The following ATP2B1 variants were observed in gnomAD, a reference collection of about 807,000 sequenced individuals.
The protein encoded by ATP2B1 is ATPase plasma membrane Ca2+ transporting 1, also known as plasma membrane calcium-transporting ATPase 1.
In ATP2B1, 14 loss-of-function variants were observed where a neutral mutation model predicts 124.2. The ratio of observed to expected loss-of-function variants is 0.11; its 90% CI spans 0.07 to 0.18. The LOEUF is 0.18. ATP2B1 is among the 10% of genes least tolerant of loss of function. ATP2B1 has a pLI of 1.00. For missense variants in ATP2B1, 763 were observed against 1,466.1 expected (o/e 0.52, Z 7.83); for synonymous variants, 449 against 492.4 (o/e 0.91, Z 1.17).
In ATP2B1 at chr12:89,626,593, G is replaced by A; in HGVS notation, c.990C>T (p.Ala330=). 1 of 1,609,022 alleles carries A rather than the reference G, an allele frequency of 6.2e-7. No homozygotes were observed. The highest frequency in any genetic ancestry group is 8.5e-7 in the Non-Finnish European group (1 of 1,178,502). Residue 330 remains alanine (A), a synonymous_variant, in exon 8 of 21, where the codon GCC becomes GCT. Coordinates refer to ENST00000428670, the MANE Select transcript of ATP2B1 (RefSeq NM_001366521.1). ...RNKAKAQDGA[A]MEMQPLKSEE... is the part of the protein sequence containing the mutation. ...CACTCTTCAATGGCTGCATTTCCATGGCTGCACCATCCTGGGCTTTTGCTA... is the reference window on the plus strand; with the variant it reads ...CACTCTTCAATGGCTGCATTTCCATAGCTGCACCATCCTGGGCTTTTGCTA...
chr12:89,708,935 G>A (rs545421484), upstream of ATP2B1: 25 of 151,808 alleles, frequency 1.6e-4, no homozygotes, highest in African/African-American at 6.0e-4. Flanking sequence ...CGTCCCCGCA[G>A]GACCCGCCTC....
At chr12:89,683,608 G>A (rs1889620284) in intron 1 of ATP2B1, among the ~76,000 whole-genome samples, 2 of 152,090 alleles carry the variant, frequency 1.3e-5, no homozygotes, top group Non-Finnish European at 2.9e-5. Context: ...TCCAGCCCCC[G>A]GTCATTTGAG....
chr12:89,608,476 T>C (rs924765120), intron 15 of ATP2B1, among the ~76,000 whole-genome samples: 1 of 151,770 alleles, frequency 6.6e-6, no homozygotes, highest in Non-Finnish European at 1.5e-5. Flanking sequence ...ATGGCCAGCC[T>C]GTTTTTGAAC....
At chr12:89,627,216 C>T (rs565343813) in intron 7 of ATP2B1, among the ~76,000 whole-genome samples, 1 of 152,020 alleles carries the variant, frequency 6.6e-6, no homozygotes, top group Non-Finnish European at 1.5e-5. Context: ...CACACCTGAT[C>T]TCCTGTGATG....
At chr12:89,684,107 G>A (rs1474684360) in intron 1 of ATP2B1, among the ~76,000 whole-genome samples, 1 of 151,994 alleles carries the variant, frequency 6.6e-6, no homozygotes, top group East Asian at 1.9e-4. Flanking sequence ...TTCTGTGTAA[G>A]AAAGAAGAAA....
chr12:89,686,569 G>C (rs901023475), intron 1 of ATP2B1, among the ~76,000 whole-genome samples: 1 of 152,000 alleles, frequency 6.6e-6, no homozygotes, highest in African/African-American at 2.4e-5. Context: ...AGCAAAATTT[G>C]TTTTACAGTG....
At chr12:89,649,615 T>C (rs953746865) in intron 2 of ATP2B1, among the ~76,000 whole-genome samples, 3 of 152,236 alleles carry the variant, frequency 2.0e-5, no homozygotes, top group African/African-American at 7.2e-5. Context: ...ACTTTTGAAT[T>C]AATACTGGTA....
rs551152519 is a variant in ATP2B1, at chr12:89,644,661, C to T, written c.209-2306G>A. ...GTAATAAGGATGAGATTAGTCTATG[C>T]GTAGGTTTGTCTTGTCTTGTGTTTG... On this transcript the variant is annotated intron_variant, in intron 2 of 20. Coordinates refer to ENST00000428670, the MANE Select transcript of ATP2B1 (RefSeq NM_001366521.1). Among the ~76,000 whole-genome samples, 23 of 152,064 alleles carry T rather than the reference C, an allele frequency of 1.5e-4. No homozygotes were observed. In the South Asian group the frequency reaches 4.2e-3, roughly 27 times the overall value.
At position 89,591,001 on chromosome 12, in the gene ATP2B1, A is replaced by G; in HGVS notation, c.3646T>C (p.Leu1216=). 1.9e-6 allele frequency: 3 copies of G among 1,612,276 alleles called. No individual in the cohort carries two copies. Among genetic ancestry groups the G allele is most frequent in the Non-Finnish European group, 2.5e-6 (3 of 1,178,694 alleles). The change falls in exon 21 of 21, where the codon TTG becomes CTG. Residue 1216 remains leucine (L), a synonymous_variant. Transcript: ENST00000428670. ...SSSPGSPLHS[L]ETSL is the part of the protein sequence containing the mutation. ...GCTTACAATCAGAGTGATGTTTCCA[A>G]ACTATGTAGTGGGCTTCCTGGGGAT...
At position 89,611,308 on chromosome 12, in the gene ATP2B1, T is replaced by C. The variant is rs1343098249; in HGVS notation, c.2132A>G (p.Asn711Ser). 6.2e-7 allele frequency: 1 copy of C among 1,603,068 alleles called. No individual in the cohort carries two copies. The highest frequency in any genetic ancestry group is 2.3e-5 in the East Asian group (1 of 44,406). Residue 711 changes from asparagine to serine, a missense_variant, in exon 13 of 21, where the codon AAT becomes AGT. Physicochemically the swap from Asn to Ser is conservative, Grantham distance 46. Transcript: ENST00000428670. The stretch of plus-strand genomic sequence containing the variant: ...AGCAATGGCCCGAGCAGTATTAATA[T>C]TATCACCAGTGACCATCCGCACAGT... ...GITVRMVTGD[N>S]INTARAIATK...
At chr12:89,658,517 C>T (rs1213744181) in intron 1 of ATP2B1, among the ~76,000 whole-genome samples, 1 of 150,636 alleles carries the variant, frequency 6.6e-6, no homozygotes, top group Non-Finnish European at 1.5e-5. Context: ...CAGCTTTTAT[C>T]AGTAATAAAA....
rs186798926 is a variant in ATP2B1, at chr12:89,614,576, C to T, written c.2067+2226G>A. 1.7e-4 allele frequency among the ~76,000 whole-genome samples: 26 copies of T among 152,234 alleles called. No individual in the cohort carries two copies. In the South Asian group the frequency reaches 3.9e-3, roughly 23 times the overall value. On this transcript the variant is annotated intron_variant, in intron 12 of 20. Coordinates refer to ENST00000428670, the MANE Select transcript of ATP2B1 (RefSeq NM_001366521.1). Reference sequence around the variant, plus strand: ...CTCTAACTTGTACAGAGATGGTTAGCGACCATCTCCTTTATAAGACTTCTA... The same window carrying T: ...CTCTAACTTGTACAGAGATGGTTAGTGACCATCTCCTTTATAAGACTTCTA...
At position 89,590,994 on chromosome 12, in the gene ATP2B1, G is replaced by T; in HGVS notation, c.3653C>A (p.Thr1218Lys). Residue 1218 changes from threonine (T) to lysine (K), a missense_variant, in exon 21 of 21, where the codon ACA (threonine) becomes AAA (lysine). Thr to Lys is a moderately conservative substitution (Grantham distance 78). Transcript: ENST00000428670. Reference protein sequence around the residue: ...SPGSPLHSLETSL With the variant: ...SPGSPLHSLEKSL ...ACATTCAGCTTACAATCAGAGTGAT[G>T]TTTCCAAACTATGTAGTGGGCTTCC... is the stretch of plus-strand genomic sequence containing the variant. The T allele has an allele frequency of 6.2e-7, 1 of 1,611,802 alleles. No individual in the cohort carries two copies. Among genetic ancestry groups the T allele is most frequent in the Non-Finnish European group, 8.5e-7 (1 of 1,178,326 alleles).
chr12:89,616,733 TAC>T, intron 12 of ATP2B1, 67 bp downstream of exon 12: 1 of 1,417,050 alleles, frequency 7.1e-7, no homozygotes, highest in Non-Finnish European at 9.7e-7. Flanking sequence ...GAAAACTGGT[TAC>T]AATTAAGGCC....
intron 1 of ATP2B1, among the ~76,000 whole-genome samples, chr12:89,686,743 T>C (rs1890014962): frequency 6.6e-6 from 1 of 152,110 alleles, no homozygotes; most frequent in South Asian, 2.1e-4. Context: ...ATTCTCAACC[T>C]GAAATTACAT....
chr12:89,620,184 G>C lies in ATP2B1; in HGVS notation c.1644C>G (p.Ala548=). ...TTAAATCCAAAAGAAGTCCCAACAA[G>C]GCACATTCAGTTTTATTACCAACGT... ...PRHVGNKTEC[A]LLGLLLDLKR... Residue 548 remains alanine (A), a synonymous_variant, in exon 11 of 21, where the codon GCC becomes GCG. Transcript: ENST00000428670. 3.1e-6 allele frequency: 5 copies of C among 1,613,982 alleles called. No homozygotes were observed. The highest frequency in any genetic ancestry group is 4.2e-6 in the Non-Finnish European group (5 of 1,179,970).
chr12:89,643,202 G>GTGTGTATA (rs1157869334), intron 2 of ATP2B1, among the ~76,000 whole-genome samples: 1 of 150,138 alleles, frequency 6.7e-6, no homozygotes, highest in East Asian at 1.9e-4. Context: ...ATGTATATAT[G>GTGTGTATA]TGTGTATATG....
intron 2 of ATP2B1, among the ~76,000 whole-genome samples, chr12:89,647,271 CA>C (rs1349933469): frequency 6.6e-6 from 1 of 152,138 alleles, no homozygotes; most frequent in Non-Finnish European, 1.5e-5. Context: ...AAAATATAAC[CA>C]AAACACATCA....
intron 2 of ATP2B1, among the ~76,000 whole-genome samples, chr12:89,654,298 A>G (rs1240547644): frequency 6.6e-6 from 1 of 152,192 alleles, no homozygotes; most frequent in East Asian, 1.9e-4. Flanking sequence ...TGTTCCTGAT[A>G]CTCTTAGTTA....
Sources: gnomAD v4.1 joint callset for allele counts (sites outside exome capture counted in the v4.1 genomes callset) on GRCh38, gnomAD v4.1.1 for gene constraint, MANE v1.5 for transcripts, NCBI Gene and HGNC (gene_info 2026-07-23, HGNC 2026-07-21) for gene names.